Variants in CR1L observed in about 807,000 individuals in gnomAD.
CR1L encodes complement component receptor 1-like protein.
CR1L carries 59 observed loss-of-function variants against 62.3 expected under a neutral mutation model. The observed-to-expected ratio is 0.95, with a 90% CI of 0.77 to 1.18. The LOEUF (loss-of-function observed/expected upper bound fraction) is 1.18, where lower values mean the gene tolerates loss of function less well. CR1L is among the 50% of genes most tolerant of loss of function. The pLI, the probability that CR1L is intolerant of heterozygous loss-of-function variation, is 0.00. For missense variants in CR1L, 700 were observed against 702.8 expected (o/e 1.00, Z 0.04); for synonymous variants, 279 against 248.7 (o/e 1.12, Z -1.15).
At chr1:207,691,807 T>C (rs565849112) in intron 4 of CR1L, among the ~76,000 whole-genome samples, 1 of 152,362 alleles carries the variant, frequency 6.6e-6, no homozygotes, top group East Asian at 1.9e-4. Context: ...CTTTTTGTAT[T>C]GTTGCCATAC....
chr1:207,668,641 C>A (rs1030209826), intron 1 of CR1L, among the ~76,000 whole-genome samples: 4 of 151,118 alleles, frequency 2.6e-5, no homozygotes, highest in African/African-American at 7.4e-5. Flanking sequence ...CATCCATATT[C>A]ATTGCTAATC....
rs181119662 is a variant in CR1L, at chr1:207,662,015, G to A, written c.98-15374G>A. Among the ~76,000 whole-genome samples the A allele has an allele frequency of 2.9e-3, 438 of 152,310 alleles. 4 individuals carry two copies. The highest frequency in any genetic ancestry group is 0.017 in the Middle Eastern group (5 of 294). ...TTGTAGAGTTTCTGCTGAGAGATCC[G>A]CTGTTAGTCTGATGGGCGTCCCTTT... On this transcript the variant is annotated intron_variant, in intron 1 of 11. Coordinates refer to ENST00000508064, the MANE Select transcript of CR1L (RefSeq NM_175710.2).
At position 207,646,899 on chromosome 1, in the gene CR1L, G is replaced by A. The variant is rs560514799; in HGVS notation, c.97+1569G>A. 7.2e-5 allele frequency among the ~76,000 whole-genome samples: 11 copies of A among 152,156 alleles called. No homozygotes were observed. In the South Asian group the frequency reaches 1.9e-3, roughly 26 times the overall value. On this transcript the variant is annotated intron_variant, in intron 1 of 11. Transcript: ENST00000508064. ...ATCTTATTCCATGTACAGATTGTACGTTGCATTTCTTCTCTTAGGAACATT... is the reference window on the plus strand; with the variant it reads ...ATCTTATTCCATGTACAGATTGTACATTGCATTTCTTCTCTTAGGAACATT...
intron 11 of CR1L, among the ~76,000 whole-genome samples, chr1:207,718,675 G>A (rs531616422): frequency 4.6e-4 from 70 of 152,266 alleles, no homozygotes; most frequent in African/African-American, 1.6e-3. Context: ...CACCTGCCTC[G>A]ACTTTCCAAA....
intron 4 of CR1L, among the ~76,000 whole-genome samples, chr1:207,689,072 A>G (rs1663956233): frequency 6.6e-6 from 1 of 152,116 alleles, no homozygotes; most frequent in Non-Finnish European, 1.5e-5. Flanking sequence ...GAGATGATAC[A>G]AGCCTTTTAA....
chr1:207,694,323 T>G (rs1314982628), intron 4 of CR1L, 30 bp from the exon 5 acceptor site: 1 of 1,612,666 alleles, frequency 6.2e-7, no homozygotes, highest in Non-Finnish European at 8.5e-7. Context: ...TCATTCATTA[T>G]TTAAATTGAC....
chr1:207,681,646 A>G (rs571445962), intron 3 of CR1L, among the ~76,000 whole-genome samples: 1 of 152,128 alleles, frequency 6.6e-6, no homozygotes, highest in Non-Finnish European at 1.5e-5. Context: ...AGTATGGAGG[A>G]AAAAAAATGC....
chr1:207,717,498 T>C lies in CR1L; in HGVS notation c.1449T>C (p.Asn483=), dbSNP rs1487757764. 8 of 1,613,740 alleles carry C rather than the reference T, an allele frequency of 5.0e-6. No individual in the cohort carries two copies. Among genetic ancestry groups the C allele is most frequent in the Non-Finnish European group, 6.8e-6 (8 of 1,179,660 alleles). ...GTCCAAATCCTCCAGCTATCCTTAATGGGAGACACACAGGAACTCCCCTTG... is the reference window on the plus strand; with the variant it reads ...GTCCAAATCCTCCAGCTATCCTTAACGGGAGACACACAGGAACTCCCCTTG... The part of the protein sequence containing the change: ...IFCPNPPAIL[N]GRHTGTPLGD... The change falls in exon 11 of 12, where the codon AAT becomes AAC. Residue 483 remains asparagine, a synonymous_variant. Coordinates refer to ENST00000508064, the MANE Select transcript of CR1L (RefSeq NM_175710.2).
chr1:207,697,975 GACACAC>G, intron 7 of CR1L, 102 bp downstream of exon 7: 6 of 1,269,680 alleles, frequency 4.7e-6, no homozygotes, highest in East Asian at 2.4e-5. Flanking sequence ...CAGACAGACA[GACACAC>G]ACACACACAC....
At chr1:207,710,392 TG>T in intron 10 of CR1L, 1 of 1,500,660 alleles carries the variant, frequency 6.7e-7, no homozygotes, top group Non-Finnish European at 9.3e-7. Context: ...GAATTCCTTG[TG>T]GGCTACCCCC....
At chr1:207,684,779 A>T (rs1485002099) in intron 4 of CR1L, among the ~76,000 whole-genome samples, 2 of 152,226 alleles carry the variant, frequency 1.3e-5, no homozygotes, top group Admixed American at 6.5e-5. Flanking sequence ...TATTAAAAAA[A>T]AATACACCTA....
intron 3 of CR1L, among the ~76,000 whole-genome samples, chr1:207,680,544 A>ATTTT (rs61550356): frequency 0.15 from 22,104 of 151,316 alleles, 1,685 homozygotes; most frequent in East Asian, 0.27. Flanking sequence ...AAATAAAAAA[A>ATTTT]TTTTTTTTTT....
At chr1:207,647,088 G>A (rs536544174) in intron 1 of CR1L, among the ~76,000 whole-genome samples, 2 of 152,252 alleles carry the variant, frequency 1.3e-5, no homozygotes, top group South Asian at 4.1e-4. Flanking sequence ...GCTTAATGCC[G>A]GGAACACAGT....
chr1:207,718,444 T>A lies in CR1L; in HGVS notation c.1642+753T>A, dbSNP rs756843490. On this transcript the variant is annotated intron_variant, in intron 11 of 11. Transcript: ENST00000508064. ...GACTTTTTAATGTGTTCTTTTGAGA[T>A]GGAGTCTTGCACTGTCTCCCAGGCT... is the stretch of plus-strand genomic sequence containing the variant. Among the ~76,000 whole-genome samples, 111 of 152,338 alleles carry A rather than the reference T, an allele frequency of 7.3e-4. 1 individual carries two copies. The highest frequency in any genetic ancestry group is 3.7e-3 in the Admixed American group (57 of 15,304).
intron 10 of CR1L, among the ~76,000 whole-genome samples, chr1:207,714,889 C>A (rs187207931): frequency 6.6e-6 from 1 of 152,204 alleles, no homozygotes; most frequent in Non-Finnish European, 1.5e-5. Context: ...CTTTGCTTAC[C>A]AAATCAAAAG....
intron 9 of CR1L, among the ~76,000 whole-genome samples, chr1:207,703,479 G>A (rs1323947431): frequency 6.6e-6 from 1 of 152,184 alleles, no homozygotes; most frequent in Non-Finnish European, 1.5e-5. Flanking sequence ...GCTCACTGTT[G>A]AGATATAGTG....
chr1:207,710,946 CT>C, intron 10 of CR1L: 1 of 747,408 alleles, frequency 1.3e-6, no homozygotes. Flanking sequence ...TGTGCAAGCA[CT>C]CATGCATATG....
intron 11 of CR1L, among the ~76,000 whole-genome samples, chr1:207,719,791 T>C (rs1358861749): frequency 6.6e-6 from 1 of 151,932 alleles, no homozygotes; most frequent in Non-Finnish European, 1.5e-5. Context: ...ATGAGGAGGA[T>C]AGTATTCTTA....
intron 1 of CR1L, among the ~76,000 whole-genome samples, chr1:207,661,163 G>T (rs1045616835): frequency 3.3e-5 from 5 of 152,306 alleles, no homozygotes; most frequent in African/African-American, 1.2e-4. Context: ...TATTAGGTCT[G>T]CTTGGTGCAG....
Sources: gnomAD v4.1 joint callset for allele counts (sites outside exome capture counted in the v4.1 genomes callset) on GRCh38, gnomAD v4.1.1 for gene constraint, MANE v1.5 for transcripts, NCBI Gene and HGNC (gene_info 2026-07-23, HGNC 2026-07-21) for gene names.